Variants in DHX33 observed in about 807,000 individuals in gnomAD.
DHX33 encodes the protein DEAH-box helicase 33.
In DHX33, 42 loss-of-function variants were observed where a neutral mutation model predicts 72.5. That is an observed-to-expected ratio of 0.58 (90% CI 0.45 to 0.75). The LOEUF is 0.75. Among genes scored for constraint, DHX33 ranks in the 30% least tolerant of loss-of-function variants. The pLI is 0.00. For missense variants in DHX33, 842 were observed against 917.5 expected, an observed-to-expected ratio of 0.92 and a Z score of 1.06; for synonymous variants, 358 against 366.1, an observed-to-expected ratio of 0.98 and a Z score of 0.25.
intron 7 of DHX33, 74 bp from the exon 8 acceptor site, chr17:5,453,742 TGA>T (rs1459648547): frequency 7.4e-6 from 12 of 1,612,136 alleles, no homozygotes; most frequent in Non-Finnish European, 1.0e-5. Context: ...TGGTGGAGTG[TGA>T]GTAAAAACTG....
intron 1 of DHX33, among the ~76,000 whole-genome samples, chr17:5,465,772 C>T (rs570665065): frequency 6.6e-6 from 1 of 152,276 alleles, no homozygotes; most frequent in South Asian, 2.1e-4. Context: ...CAGCCTGTCT[C>T]GTCTCCATCC....
chr17:5,448,808 C>T lies in DHX33; in HGVS notation c.1815+1G>A. On this transcript the variant is annotated splice_donor_variant, in intron 11 of 11. Coordinates refer to ENST00000225296, the MANE Select transcript of DHX33 (RefSeq NM_020162.4). LOFTEE classifies it high-confidence loss of function. ...CACAGAACACTAGGACCAGACGATA[C>T]CTTTAAGCAGATGTCCCTCAGCTGT... The T allele has an allele frequency of 6.2e-7, 1 of 1,605,732 alleles. No homozygotes were observed. Among genetic ancestry groups the T allele is most frequent in the East Asian group, 2.3e-5 (1 of 43,960 alleles).
At chr17:5,452,809 G>T (rs936693159) in intron 8 of DHX33, among the ~76,000 whole-genome samples, 39 of 152,152 alleles carry the variant, frequency 2.6e-4, no homozygotes, top group African/African-American at 9.2e-4. Flanking sequence ...ACTAGAAAAT[G>T]GTTCCAGTGG....
chr17:5,463,096 T>C (rs765267476), intron 2 of DHX33, among the ~76,000 whole-genome samples: 2 of 151,728 alleles, frequency 1.3e-5, no homozygotes, highest in Non-Finnish European at 2.9e-5. Flanking sequence ...AAAAGTTTCA[T>C]GTGAAGCTAT....
intron 4 of DHX33, among the ~76,000 whole-genome samples, chr17:5,458,426 A>G (rs1207256998): frequency 6.6e-6 from 1 of 152,098 alleles, no homozygotes; most frequent in Non-Finnish European, 1.5e-5. Flanking sequence ...TGGTCATAAT[A>G]TTCTTAGTAT....
At chr17:5,449,451 GAGATAGAT>G (rs755370620) in intron 10 of DHX33, among the ~76,000 whole-genome samples, 1 of 151,886 alleles carries the variant, frequency 6.6e-6, no homozygotes, top group African/African-American at 2.4e-5. Context: ...TCTTTTTTTG[GAGATAGAT>G]AGAGTCTCGC....
rs1916529567 is a variant in DHX33, at chr17:5,443,889, A to T, written c.*316T>A. 1 of 290,528 alleles carries T rather than the reference A, an allele frequency of 3.4e-6. No homozygotes were observed. The highest frequency in any genetic ancestry group is 4.7e-5 in the Admixed American group (1 of 21,076). The allele number at this position is 290,528 out of a possible 1,614,324, so 18.0% of individuals were successfully genotyped here. A position where few individuals can be genotyped will look rare whatever the true frequency, so the allele number is the denominator to read the frequency against. ...CCATTCCTTTTCTCTAAACTTTATGAACCCAATTTTATAAGGATTATTATT... is the reference window on the plus strand; with the variant it reads ...CCATTCCTTTTCTCTAAACTTTATGTACCCAATTTTATAAGGATTATTATT... On this transcript the variant is annotated 3_prime_UTR_variant, in exon 12 of 12. Transcript: ENST00000225296.
rs575407077 is a variant in DHX33 at position 5,451,645 on chromosome 17, C to T, written c.1397-711G>A. Among the ~76,000 whole-genome samples the T allele has an allele frequency of 2.6e-5, 4 of 152,200 alleles. No homozygotes were observed. The South Asian group carries it at 8.3e-4, about 32-fold the overall frequency. ...ATGAGAAGGACATTATTACTATTTACTATTTTATATATTTTAAACTTTGAA... is the reference window on the plus strand; with the variant it reads ...ATGAGAAGGACATTATTACTATTTATTATTTTATATATTTTAAACTTTGAA... On this transcript the variant is annotated intron_variant, in intron 8 of 11. Coordinates refer to ENST00000225296, the MANE Select transcript of DHX33 (RefSeq NM_020162.4).
chr17:5,456,214 A>C (rs529516411), intron 4 of DHX33, 32 bp from the exon 5 acceptor site: 1 of 1,601,980 alleles, frequency 6.2e-7, no homozygotes, highest in African/African-American at 1.3e-5. Flanking sequence ...TTTACTAGGC[A>C]TTGATAGAAT....
chr17:5,460,599 C>T (rs376279129), intron 4 of DHX33, among the ~76,000 whole-genome samples: 3 of 151,900 alleles, frequency 2.0e-5, no homozygotes, highest in Admixed American at 1.3e-4. Flanking sequence ...TTCCACCTCC[C>T]GGATTCAGGC....
intron 4 of DHX33, among the ~76,000 whole-genome samples, chr17:5,458,009 G>A (rs997757982): frequency 6.6e-6 from 1 of 152,222 alleles, no homozygotes; most frequent in Non-Finnish European, 1.5e-5. Context: ...GGGGCTGGAT[G>A]ACTTGGCTAG....
intron 8 of DHX33, among the ~76,000 whole-genome samples, 172 bp downstream of exon 8, chr17:5,453,408 T>G (rs1020961042): frequency 3.3e-5 from 5 of 150,788 alleles, no homozygotes; most frequent in African/African-American, 1.2e-4. Flanking sequence ...TCAATCAATG[T>G]ATCTATCTAT....
intron 6 of DHX33, among the ~76,000 whole-genome samples, chr17:5,454,213 C>A (rs1422816369): frequency 6.6e-6 from 1 of 152,172 alleles, no homozygotes; most frequent in Non-Finnish European, 1.5e-5. Flanking sequence ...ATCAGAAAAA[C>A]CTCACGCATG....
At chr17:5,448,724 T>C (rs1210445494) in intron 11 of DHX33, 85 bp downstream of exon 11, 22 of 929,596 alleles carry the variant, frequency 2.4e-5, no homozygotes, top group Non-Finnish European at 3.1e-5. Context: ...CCTTTTATAA[T>C]CACTAGCAAT....
chr17:5,449,111 TAAC>T (rs1195736646), intron 10 of DHX33, among the ~76,000 whole-genome samples: 5 of 152,098 alleles, frequency 3.3e-5, no homozygotes, highest in African/African-American at 2.4e-5. Flanking sequence ...AGAGAAAATA[TAAC>T]AACATTTTTA....
chr17:5,463,548 C>G lies in DHX33; in HGVS notation c.431G>C (p.Arg144Thr), dbSNP rs1904735821. ...SLATRVSDEK[R>T]TELGKLVGYT... ...AGGTACCAGCTTCCCAAGTTCAGTT[C>G]TCTTCTCATCTGAGACTCTAGTAGC... The change falls in exon 2 of 12, where the codon AGA becomes ACA. Residue 144 changes from arginine (R) to threonine (T), a missense_variant. Arg to Thr is a moderately conservative substitution (Grantham distance 71, BLOSUM62 -1). Transcript: ENST00000225296. The G allele has an allele frequency of 3.7e-6, 6 of 1,613,942 alleles. No individual in the cohort carries two copies. The highest frequency in any genetic ancestry group is 4.2e-6 in the Non-Finnish European group (5 of 1,180,000).
chr17:5,465,032 G>C (rs1344811037), intron 1 of DHX33, among the ~76,000 whole-genome samples: 1 of 152,212 alleles, frequency 6.6e-6, no homozygotes. Context: ...TCCAACACCA[G>C]AAGGGAAGCT....
intron 4 of DHX33, among the ~76,000 whole-genome samples, chr17:5,459,599 G>A (rs1249897911): frequency 2.6e-5 from 4 of 151,896 alleles, no homozygotes; most frequent in East Asian, 1.9e-4. Flanking sequence ...CTGGCTGATT[G>A]TTTGATTTTT....
chr17:5,444,580 G>A lies in DHX33; in HGVS notation c.1816-67C>T, dbSNP rs1597353929. On this transcript the variant is annotated intron_variant, in intron 11 of 11. Coordinates refer to ENST00000225296, the MANE Select transcript of DHX33 (RefSeq NM_020162.4). This position sits in a 1 kb window ranked among gnomAD's most constrained non-coding sequence, Gnocchi z 4.9. ...TAAACACTGGTCAGCACTACACAGC[G>A]TGTTGGGGCAACTGGACCCACTGGG... is the stretch of plus-strand genomic sequence containing the variant. 1.6e-5 allele frequency: 25 copies of A among 1,515,334 alleles called. No individual in the cohort carries two copies. In the East Asian group the frequency reaches 4.2e-4, roughly 25 times the overall value. The allele number at this position is 1,515,334 out of a possible 1,614,324, so 93.9% of individuals were successfully genotyped here.
Sources: allele counts gnomAD v4.1 joint callset (sites outside exome capture counted in the v4.1 genomes callset), GRCh38; gene constraint gnomAD v4.1.1; non-coding constraint Gnocchi (gnomAD v3.1); transcripts MANE v1.5; gene names NCBI Gene and HGNC (gene_info 2026-07-23, HGNC 2026-07-21).